HEPHL1: variants seen among roughly 807,000 people sequenced by gnomAD.
The protein encoded by HEPHL1 is ferroxidase HEPHL1.
A neutral mutation model predicts 122.0 loss-of-function variants in HEPHL1; 123 were observed. The ratio of observed to expected loss-of-function variants is 1.01; its 90% CI spans 0.87 to 1.17. The LOEUF (loss-of-function observed/expected upper bound fraction) is 1.17, where lower values mean the gene tolerates loss of function less well. Among genes scored for constraint, HEPHL1 ranks in the 50% most tolerant of loss-of-function variants. The pLI is 0.00. For missense variants in HEPHL1, 1,452 were observed against 1,430.5 expected (o/e 1.01, Z -0.24); for synonymous variants, 527 against 508.9 (o/e 1.04, Z -0.48).
At chr11:94,088,303 C>T (rs1056981821) in intron 11 of HEPHL1, among the ~76,000 whole-genome samples, 2 of 152,116 alleles carry the variant, frequency 1.3e-5, no homozygotes, top group Admixed American at 6.5e-5. Context: ...ATTTATTGCA[C>T]TTTAGAATTT....
At chr11:94,088,717 C>T (rs751749329) in intron 11 of HEPHL1, 38 bp from the exon 12 acceptor site, 16 of 1,508,072 alleles carry the variant, frequency 1.1e-5, no homozygotes, top group Middle Eastern at 2.1e-4. Flanking sequence ...ACAAAAATAC[C>T]GAGCACCACA....
At chr11:94,046,775 A>G (rs1278682591) in intron 2 of HEPHL1, among the ~76,000 whole-genome samples, 1 of 152,026 alleles carries the variant, frequency 6.6e-6, no homozygotes, top group Non-Finnish European at 1.5e-5. Flanking sequence ...TAGACTTTTG[A>G]GACAGAAGTA....
At chr11:94,096,288 T>A (rs567156857) in intron 13 of HEPHL1, among the ~76,000 whole-genome samples, 1 of 152,346 alleles carries the variant, frequency 6.6e-6, no homozygotes, top group South Asian at 2.1e-4. Context: ...CACGTGGTTT[T>A]TGTCTTTGGT....
At chr11:94,110,838 T>C (rs1565364962) in intron 17 of HEPHL1, 65 bp from the exon 18 acceptor site, 1 of 1,351,290 alleles carries the variant, frequency 7.4e-7, no homozygotes, top group Non-Finnish European at 1.0e-6. Flanking sequence ...TTTGCTCTTC[T>C]TTCTGTTCTT....
At chr11:94,053,064 T>G (rs1459911177) in intron 2 of HEPHL1, among the ~76,000 whole-genome samples, 1 of 152,094 alleles carries the variant, frequency 6.6e-6, no homozygotes, top group African/African-American at 2.4e-5. Context: ...TTTTTTAGTA[T>G]TTGTTAGAAT....
chr11:94,096,088 G>T (rs979353163), intron 13 of HEPHL1, among the ~76,000 whole-genome samples: 4 of 152,186 alleles, frequency 2.6e-5, no homozygotes, highest in African/African-American at 4.8e-5. Context: ...GGGCATCCCT[G>T]TCTTGTGCCA....
intron 1 of HEPHL1, among the ~76,000 whole-genome samples, chr11:94,037,559 C>T (rs1362311007): frequency 6.6e-6 from 1 of 152,160 alleles, no homozygotes; most frequent in Non-Finnish European, 1.5e-5. Flanking sequence ...GGGTCCCTGA[C>T]CCCTGACCCC....
intron 1 of HEPHL1, among the ~76,000 whole-genome samples, chr11:94,045,214 C>G (rs1945823449): frequency 6.6e-6 from 1 of 152,224 alleles, no homozygotes; most frequent in African/African-American, 2.4e-5. Context: ...CCTCCCTGAA[C>G]TATTACGTTC....
chr11:94,075,220 A>T lies in HEPHL1; in HGVS notation c.1551A>T (p.Thr517=). The change falls in exon 9 of 20, where the codon ACA becomes ACT. Residue 517 remains threonine (T), a synonymous_variant. Coordinates refer to ENST00000315765, the MANE Select transcript of HEPHL1 (RefSeq NM_001098672.2). ...ATGTTAAACCAGGTGAAACCTTCACATACAAGTGGACAGTGCCTGAGAGCG... is the reference window on the plus strand; with the variant it reads ...ATGTTAAACCAGGTGAAACCTTCACTTACAAGTGGACAGTGCCTGAGAGCG... ...GAHVKPGETF[T]YKWTVPESVS... is the part of the protein sequence containing the mutation. 1 of 1,613,454 alleles carries T rather than the reference A, an allele frequency of 6.2e-7. No individual in the cohort carries two copies. Among genetic ancestry groups the T allele is most frequent in the Non-Finnish European group, 8.5e-7 (1 of 1,179,606 alleles).
chr11:94,029,735 A>T (rs929380484), intron 1 of HEPHL1, among the ~76,000 whole-genome samples: 1 of 152,232 alleles, frequency 6.6e-6, no homozygotes, highest in Non-Finnish European at 1.5e-5. Flanking sequence ...GTGTCCAGGA[A>T]TATGAAAAAC....
chr11:94,101,056 GGAGTA>G (rs1269196780), intron 13 of HEPHL1, 134 bp from the exon 14 acceptor site: 24 of 804,816 alleles, frequency 3.0e-5, no homozygotes, highest in Non-Finnish European at 4.5e-5. Context: ...TCTCTAAAGT[GGAGTA>G]GAGTTATATA....
At chr11:94,033,244 T>G (rs1945691860) in intron 1 of HEPHL1, among the ~76,000 whole-genome samples, 1 of 152,194 alleles carries the variant, frequency 6.6e-6, no homozygotes, top group African/African-American at 2.4e-5. Flanking sequence ...TTGAATTGAA[T>G]TCTTTCTTCT....
At chr11:94,096,701 T>C (rs1425696941) in intron 13 of HEPHL1, among the ~76,000 whole-genome samples, 1 of 152,182 alleles carries the variant, frequency 6.6e-6, no homozygotes, top group Non-Finnish European at 1.5e-5. Flanking sequence ...TCAGAACACG[T>C]TATTGGTCTA....
rs146353253 is a variant in HEPHL1 at position 94,043,786 on chromosome 11, A to G, written c.171-1887A>G. ...TCCTTAAGGAAACTTCCCCTGACTT[A>G]TCTTTGACTCCAGATTAGATGCCCC... On this transcript the variant is annotated intron_variant, in intron 1 of 19. Transcript: ENST00000315765. Among the ~76,000 whole-genome samples the G allele has an allele frequency of 6.3e-4, 96 of 151,778 alleles. No individual in the cohort carries two copies. In the East Asian group the frequency reaches 0.016, roughly 26 times the overall value.
chr11:94,031,217 TCTC>T (rs771184563), intron 1 of HEPHL1, among the ~76,000 whole-genome samples: 1 of 151,892 alleles, frequency 6.6e-6, no homozygotes, highest in Non-Finnish European at 1.5e-5. Context: ...AAAGTAAACT[TCTC>T]CTCCGTCCTC....
chr11:94,023,361 T>C (rs957543441), intron 1 of HEPHL1, among the ~76,000 whole-genome samples: 1 of 152,204 alleles, frequency 6.6e-6, no homozygotes, highest in African/African-American at 2.4e-5. Context: ...TAGAAGCATA[T>C]TGAAAGGGAT....
At chr11:94,025,812 A>G (rs1945619621) in intron 1 of HEPHL1, among the ~76,000 whole-genome samples, 1 of 152,232 alleles carries the variant, frequency 6.6e-6, no homozygotes, top group Admixed American at 6.5e-5. Context: ...ATCATCTGGT[A>G]AGTGCATGGT....
chr11:94,039,197 A>G (rs1208779057), intron 1 of HEPHL1, among the ~76,000 whole-genome samples: 2 of 128,154 alleles, frequency 1.6e-5, no homozygotes, highest in African/African-American at 3.0e-5. Flanking sequence ...TGCACCCAAT[A>G]CAGGAGCACC....
chr11:94,099,790 T>C (rs1221058342), intron 13 of HEPHL1, among the ~76,000 whole-genome samples: 4 of 152,176 alleles, frequency 2.6e-5, no homozygotes, highest in African/African-American at 7.2e-5. Context: ...GTGAGGCTCC[T>C]TGGGTGTGGG....
Sources: gnomAD v4.1 joint callset for allele counts (sites outside exome capture counted in the v4.1 genomes callset) on GRCh38, gnomAD v4.1.1 for gene constraint, MANE v1.5 for transcripts, NCBI Gene and HGNC (gene_info 2026-07-23, HGNC 2026-07-21) for gene names.